Variants in PPP1R21 observed in about 807,000 individuals in gnomAD.
PPP1R21 encodes protein phosphatase 1 regulatory subunit 21.
In PPP1R21, 85 loss-of-function variants were observed where a neutral mutation model predicts 112.8. The observed-to-expected ratio is 0.75, with a 90% CI of 0.63 to 0.90. The LOEUF is 0.90. PPP1R21 is among the 40% of genes least tolerant of loss of function. The probability of loss-of-function intolerance (pLI) is 0.00; values close to 1 mark genes in which losing one functional copy is unlikely to be tolerated. For missense variants in PPP1R21, 1,199 were observed against 901.5 expected, an observed-to-expected ratio of 1.33 and a Z score of -4.23; for synonymous variants, 381 against 322.3, an observed-to-expected ratio of 1.18 and a Z score of -1.95.
At chr2:48,510,502 C>T (rs1670590834) in intron 20 of PPP1R21, among the ~76,000 whole-genome samples, 1 of 152,224 alleles carries the variant, frequency 6.6e-6, no homozygotes, top group Admixed American at 6.5e-5. Context: ...AACATTCCTT[C>T]TTACTCACTG....
chr2:48,481,612 T>C (rs1036111472), intron 13 of PPP1R21, among the ~76,000 whole-genome samples: 6 of 152,184 alleles, frequency 3.9e-5, no homozygotes, highest in African/African-American at 1.4e-4. Flanking sequence ...GTGCAATAGC[T>C]GACGCTTATA....
chr2:48,462,185 C>G (rs1668005831), intron 7 of PPP1R21, among the ~76,000 whole-genome samples: 1 of 152,162 alleles, frequency 6.6e-6, no homozygotes, highest in South Asian at 2.1e-4. Context: ...CTAGTTGTCA[C>G]CCTGTTTTAG....
Position 48,474,685 on chromosome 2 carries a change from TAGA to T in PPP1R21, c.1099_1101del (p.Glu367del), listed in dbSNP as rs1668672014. Reference sequence around the variant, plus strand: ...CTTAAAAATCTGCCTATTCCTAGTTTAGAAGAAGAATGTGAATCCTCTCTTTGC... The same window carrying T: ...CTTAAAAATCTGCCTATTCCTAGTTTAGAAGAATGTGAATCCTCTCTTTGC... On this transcript the variant is annotated inframe_deletion, in exon 12 of 22. Coordinates refer to ENST00000294952, the MANE Select transcript of PPP1R21 (RefSeq NM_001135629.3). The T allele has an allele frequency of 6.2e-7, 1 of 1,603,588 alleles. No individual in the cohort carries two copies. Among genetic ancestry groups the T allele is most frequent in the Non-Finnish European group, 8.5e-7 (1 of 1,175,648 alleles).
rs1670831593 is a variant in PPP1R21, at chr2:48,515,384, A to G, written c.*640A>G. ...ATGTCAATAAATTCATACTTATATCACACTTTCAGTCTCTCTATTAAAATT... is the reference window on the plus strand; with the variant it reads ...ATGTCAATAAATTCATACTTATATCGCACTTTCAGTCTCTCTATTAAAATT... On this transcript the variant is annotated 3_prime_UTR_variant, in exon 22 of 22. Transcript: ENST00000294952. 1 of 152,144 alleles carries G rather than the reference A, an allele frequency of 6.6e-6. No individual in the cohort carries two copies. Among genetic ancestry groups the G allele is most frequent in the African/African-American group, 2.4e-5 (1 of 41,412 alleles). The allele number at this position is 152,144 out of a possible 1,614,324, so 9.4% of individuals were successfully genotyped here. A position where few individuals can be genotyped will look rare whatever the true frequency, so the allele number is the denominator to read the frequency against.
At chr2:48,453,399 C>T (rs79690789) in intron 2 of PPP1R21, among the ~76,000 whole-genome samples, 2,337 of 152,122 alleles carry the variant, frequency 0.015, 34 homozygotes, top group Non-Finnish European at 0.024. Flanking sequence ...CACTATGTTG[C>T]TCAGGCTGGT....
intron 12 of PPP1R21, among the ~76,000 whole-genome samples, chr2:48,477,970 A>T (rs567816518): frequency 6.6e-6 from 1 of 152,324 alleles, no homozygotes; most frequent in East Asian, 1.9e-4. Flanking sequence ...AATCCAATGA[A>T]TGGGATCCTT....
At chr2:48,444,155 A>T (rs1469946622) in intron 1 of PPP1R21, among the ~76,000 whole-genome samples, 1 of 152,220 alleles carries the variant, frequency 6.6e-6, no homozygotes, top group East Asian at 1.9e-4. Flanking sequence ...GCTGAGGCAA[A>T]CAGATTGCTA....
intron 13 of PPP1R21, among the ~76,000 whole-genome samples, chr2:48,480,687 G>A (rs1668972545): frequency 6.6e-6 from 1 of 152,106 alleles, no homozygotes; most frequent in African/African-American, 2.4e-5. Flanking sequence ...GACTGTTGGG[G>A]TAGGGAAAGC....
chr2:48,480,911 TCAGCAGTGTTAC>T (rs1475039403), intron 13 of PPP1R21, among the ~76,000 whole-genome samples: 4 of 152,234 alleles, frequency 2.6e-5, no homozygotes, highest in Non-Finnish European at 5.9e-5. Context: ...ATTCTTAGTC[TCAGCAGTGTTAC>T]CAAGCACCAG....
intron 13 of PPP1R21, among the ~76,000 whole-genome samples, chr2:48,484,038 A>G (rs751631605): frequency 7.2e-5 from 11 of 152,156 alleles, no homozygotes; most frequent in Non-Finnish European, 1.6e-4. Context: ...AGATTCCTTC[A>G]AAACAAACTT....
At chr2:48,465,950 C>G (rs956414327) in intron 9 of PPP1R21, among the ~76,000 whole-genome samples, 1 of 152,166 alleles carries the variant, frequency 6.6e-6, no homozygotes, top group Non-Finnish European at 1.5e-5. Context: ...CTGGGGAGGC[C>G]TCACAATCAA....
intron 1 of PPP1R21, among the ~76,000 whole-genome samples, chr2:48,444,021 C>A (rs903355878): frequency 6.6e-6 from 1 of 151,888 alleles, no homozygotes; most frequent in Admixed American, 6.6e-5. Flanking sequence ...ATCTCATAAT[C>A]TTTCCTCTTG....
intron 19 of PPP1R21, 36 bp downstream of exon 19, chr2:48,507,421 C>T (rs561416525): frequency 1.3e-6 from 2 of 1,585,216 alleles, no homozygotes; most frequent in Admixed American, 1.9e-5. Context: ...TGGTTTTTTT[C>T]CTAACCCCTG....
intron 1 of PPP1R21, among the ~76,000 whole-genome samples, chr2:48,448,707 G>C (rs1403034159): frequency 6.6e-6 from 1 of 150,540 alleles, no homozygotes; most frequent in Admixed American, 6.7e-5. Flanking sequence ...CATTATTCAA[G>C]ACTATGTTGA....
intron 15 of PPP1R21, among the ~76,000 whole-genome samples, chr2:48,494,972 C>G (rs550776345): frequency 6.6e-6 from 1 of 152,222 alleles, no homozygotes; most frequent in Admixed American, 6.5e-5. Flanking sequence ...TCCCAAAGTG[C>G]TAAGATTACA....
chr2:48,503,946 A>G lies in PPP1R21; in HGVS notation c.1936-1618A>G, dbSNP rs562529472. Among the ~76,000 whole-genome samples, 43 of 82,390 alleles carry G rather than the reference A, an allele frequency of 5.2e-4. No individual in the cohort carries two copies. The East Asian group carries it at 0.011, about 20-fold the overall frequency. The allele number at this position is 82,390 out of a possible 152,430, so 54.1% of individuals were successfully genotyped here. ...CCAGCCTGGGCAAAAGGGCGAGACT[A>G]TGTCTCAAAAAAAAAAAAAAAAGTT... On this transcript the variant is annotated intron_variant, in intron 17 of 21. Transcript: ENST00000294952.
At chr2:48,467,285 C>T (rs1235639870) in intron 9 of PPP1R21, among the ~76,000 whole-genome samples, 1 of 151,998 alleles carries the variant, frequency 6.6e-6, no homozygotes, top group Non-Finnish European at 1.5e-5. Flanking sequence ...TTCTCCCCTG[C>T]TAATTCTAAA....
At chr2:48,509,480 C>A (rs905767541) in intron 19 of PPP1R21, among the ~76,000 whole-genome samples, 3 of 151,650 alleles carry the variant, frequency 2.0e-5, no homozygotes, top group African/African-American at 2.4e-5. Flanking sequence ...CTGAGGTGGG[C>A]AGATCACTTG....
At chr2:48,512,400 A>G (rs1004254621) in intron 21 of PPP1R21, among the ~76,000 whole-genome samples, 4 of 147,424 alleles carry the variant, frequency 2.7e-5, no homozygotes, top group Admixed American at 2.0e-4. Flanking sequence ...TTCATAACTC[A>G]GTATTATACC....
Sources: allele counts gnomAD v4.1 joint callset (sites outside exome capture counted in the v4.1 genomes callset), GRCh38; gene constraint gnomAD v4.1.1; transcripts MANE v1.5; gene names NCBI Gene and HGNC (gene_info 2026-07-23, HGNC 2026-07-21).